Variants in ROR1 observed in about 807,000 individuals in gnomAD.
The protein encoded by ROR1 is ROR family WNT receptor 1.
Under a neutral mutation model 78.8 loss-of-function variants are expected in ROR1, and 19 were observed. The observed-to-expected ratio is 0.24, with a 90% CI of 0.17 to 0.35. The LOEUF (loss-of-function observed/expected upper bound fraction) is 0.35, where lower values mean the gene tolerates loss of function less well. Ranked by LOEUF, ROR1 falls within the 10% of genes least tolerant of loss-of-function variation. ROR1 has a pLI of 1.00. For missense variants in ROR1, 917 were observed against 1,177.8 expected (o/e 0.78, Z 3.24); for synonymous variants, 386 against 433.6 (o/e 0.89, Z 1.36).
chr1:64,039,979 G>A (rs1646733399), intron 2 of ROR1, among the ~76,000 whole-genome samples: 1 of 152,156 alleles, frequency 6.6e-6, no homozygotes, highest in East Asian at 1.9e-4. Context: ...TTGTTTTTAA[G>A]TTAGGCCCTT....
At chr1:63,790,004 C>T (rs957614577) in intron 1 of ROR1, among the ~76,000 whole-genome samples, 3 of 152,140 alleles carry the variant, frequency 2.0e-5, no homozygotes, top group Non-Finnish European at 4.4e-5. Context: ...AAGCACCTTT[C>T]CCCCACCCAT....
chr1:64,043,547 C>T (rs1354299375), intron 2 of ROR1, among the ~76,000 whole-genome samples: 1 of 152,172 alleles, frequency 6.6e-6, no homozygotes, highest in African/African-American at 2.4e-5. Flanking sequence ...CTTCCAGTTA[C>T]GTCATAAGCA....
chr1:63,909,462 C>G (rs1324551050), intron 1 of ROR1, among the ~76,000 whole-genome samples: 1 of 152,156 alleles, frequency 6.6e-6, no homozygotes, highest in Non-Finnish European at 1.5e-5. Context: ...CTCTGTGCCT[C>G]TCTCTACCTG....
intron 2 of ROR1, among the ~76,000 whole-genome samples, chr1:64,017,762 C>T (rs932161791): frequency 9.8e-5 from 15 of 152,294 alleles, no homozygotes; most frequent in Admixed American, 6.5e-4. Context: ...CCTCCATCCT[C>T]CCAGCAACCG....
chr1:63,814,399 A>G (rs921244072), intron 1 of ROR1, among the ~76,000 whole-genome samples: 3 of 152,070 alleles, frequency 2.0e-5, no homozygotes, highest in African/African-American at 7.2e-5. Flanking sequence ...ACCAGGGACC[A>G]GTTTTGTGGA....
intron 1 of ROR1, among the ~76,000 whole-genome samples, chr1:63,913,017 C>T (rs1645583544): frequency 6.6e-6 from 1 of 151,922 alleles, no homozygotes. Flanking sequence ...TTATTTTCCC[C>T]CTCTCTTTAA....
intron 4 of ROR1, among the ~76,000 whole-genome samples, chr1:64,063,301 G>A (rs934619194): frequency 4.6e-5 from 7 of 152,316 alleles, no homozygotes; most frequent in African/African-American, 1.4e-4. Flanking sequence ...CTTCTTCGTG[G>A]TTTAGGGAGG....
At chr1:63,817,126 G>A (rs1007635423) in intron 1 of ROR1, among the ~76,000 whole-genome samples, 1 of 152,214 alleles carries the variant, frequency 6.6e-6, no homozygotes, top group Non-Finnish European at 1.5e-5. Context: ...AACACAGTGG[G>A]TAGAATGTGG....
chr1:64,053,411 A>G (rs1646849159), intron 4 of ROR1, among the ~76,000 whole-genome samples: 1 of 152,110 alleles, frequency 6.6e-6, no homozygotes, highest in Non-Finnish European at 1.5e-5. Context: ...AAGCTTTCAG[A>G]ATGATATTTT....
At chr1:64,069,516 A>ATGTGTGTGTG (rs143372488) in intron 4 of ROR1, among the ~76,000 whole-genome samples, 3,991 of 150,388 alleles carry the variant, frequency 0.027, 169 homozygotes, top group African/African-American at 0.089. Context: ...CTTGGGTTAA[A>ATGTGTGTGTG]TGTGTGTGTG....
chr1:64,027,594 A>G (rs191385204), intron 2 of ROR1, among the ~76,000 whole-genome samples: 1 of 152,118 alleles, frequency 6.6e-6, no homozygotes, highest in East Asian at 1.9e-4. Context: ...AGCTATTCCT[A>G]TTATATTTCA....
At chr1:63,806,439 T>C (rs1165598918) in intron 1 of ROR1, among the ~76,000 whole-genome samples, 2 of 150,462 alleles carry the variant, frequency 1.3e-5, no homozygotes, top group African/African-American at 4.9e-5. Context: ...TGCCACAGCC[T>C]CCTGAGTAGC....
intron 1 of ROR1, among the ~76,000 whole-genome samples, chr1:63,794,505 C>T (rs1292944277): frequency 6.6e-6 from 1 of 152,248 alleles, no homozygotes; most frequent in Admixed American, 6.5e-5. Context: ...CTTTCTCTCA[C>T]TGGTGGTGGC....
chr1:64,143,367 GAAAA>G, intron 7 of ROR1: 1 of 838,580 alleles, frequency 1.2e-6, no homozygotes, highest in Non-Finnish European at 1.4e-6. Context: ...CCAAAAAAAA[GAAAA>G]AAAAAAAAAG....
At chr1:63,875,632 A>G (rs1474905326) in intron 1 of ROR1, among the ~76,000 whole-genome samples, 1 of 152,172 alleles carries the variant, frequency 6.6e-6, no homozygotes, top group African/African-American at 2.4e-5. Flanking sequence ...CCTTCAGTCT[A>G]CCTTGTAGTA....
chr1:64,091,498 G>A (rs1647196841), intron 4 of ROR1, among the ~76,000 whole-genome samples: 1 of 152,078 alleles, frequency 6.6e-6, no homozygotes, highest in African/African-American at 2.4e-5. Context: ...GACAATCTTT[G>A]ATCCCATTGT....
At chr1:64,132,463 T>G (rs1204830285) in intron 4 of ROR1, among the ~76,000 whole-genome samples, 6 of 151,950 alleles carry the variant, frequency 3.9e-5, no homozygotes, top group Admixed American at 6.6e-5. Context: ...CTCTTCTCAT[T>G]AAGAAGAGGT....
intron 1 of ROR1, among the ~76,000 whole-genome samples, chr1:63,831,630 C>T (rs955357255): frequency 6.6e-6 from 1 of 152,344 alleles, no homozygotes. Flanking sequence ...CCCTTCTAGG[C>T]CTCTGGGCCT....
chr1:63,992,831 T>A (rs371603125), intron 1 of ROR1, among the ~76,000 whole-genome samples: 2 of 152,150 alleles, frequency 1.3e-5, no homozygotes, highest in South Asian at 2.1e-4. Flanking sequence ...TGCTAATGAG[T>A]GTAGACTTTG....
Sources: gnomAD v4.1 joint callset for allele counts (sites outside exome capture counted in the v4.1 genomes callset) on GRCh38, gnomAD v4.1.1 for gene constraint, MANE v1.5 for transcripts, NCBI Gene and HGNC (gene_info 2026-07-23, HGNC 2026-07-21) for gene names.